The following GPR89B variants were observed in gnomAD, a reference collection of about 807,000 sequenced individuals.
GPR89B encodes golgi pH regulator B.
GPR89B carries 25 observed loss-of-function variants against 52.4 expected under a neutral mutation model. That is an observed-to-expected ratio of 0.48 (90% confidence interval 0.35 to 0.67). GPR89B has a LOEUF of 0.67. Among genes scored for constraint, GPR89B ranks in the 30% least tolerant of loss-of-function variants. GPR89B has a pLI of 0.01. For missense variants in GPR89B, 146 were observed against 450.2 expected (o/e 0.32, Z 6.11); for synonymous variants, 52 against 151.2 (o/e 0.34, Z 4.81).
chr1:147,950,737 C>G (rs1212809588), intron 5 of GPR89B, among the ~76,000 whole-genome samples: 3 of 149,860 alleles, frequency 2.0e-5, no homozygotes, highest in African/African-American at 7.5e-5. Flanking sequence ...TGGAGACCAG[C>G]CCGGCCAACA....
the GPR89B span, among the ~76,000 whole-genome samples, chr1:148,007,179 C>CA: frequency 2.2e-4 from 31 of 138,980 alleles, no homozygotes; most frequent in African/African-American, 8.6e-4. Context: ...GGGTTCACAC[C>CA]ATTCTCCTGC....
intron 10 of GPR89B, among the ~76,000 whole-genome samples, chr1:147,978,055 T>C (rs1383616623): frequency 6.6e-6 from 1 of 150,732 alleles, no homozygotes; most frequent in Non-Finnish European, 1.5e-5. Flanking sequence ...GTTGTGATCA[T>C]TTGGAGAAGA....
chr1:147,950,946 T>TGGGGAGAGGGAGATG (rs1226657553), intron 5 of GPR89B, among the ~76,000 whole-genome samples: 12 of 150,574 alleles, frequency 8.0e-5, no homozygotes, highest in Non-Finnish European at 1.5e-4. Context: ...AGGGAGACCG[T>TGGGGAGAGGGAGATG]GGGGAGAGGG....
chr1:147,958,311 AAGGCTATTCTCTTTCTC>A (rs1258462789), intron 7 of GPR89B, among the ~76,000 whole-genome samples: 1 of 151,960 alleles, frequency 6.6e-6, no homozygotes, highest in Non-Finnish European at 1.5e-5. Context: ...TTTGATTCCC[AAGGCTATTCTCTTTCTC>A]ACTGTATTTC....
intron 8 of GPR89B, 71 bp from the exon 9 acceptor site, chr1:147,968,804 G>A (rs1657217888): frequency 2.5e-6 from 4 of 1,612,098 alleles, no homozygotes; most frequent in South Asian, 1.1e-5. Context: ...AAAACTAAAA[G>A]TATATGCTTT....
intron 4 of GPR89B, 92 bp downstream of exon 4, chr1:147,943,636 T>A (rs587658606): frequency 2.3e-6 from 2 of 878,432 alleles, no homozygotes; most frequent in East Asian, 5.3e-5. Context: ...ACATTAACTT[T>A]CAGTATCTAC....
chr1:147,954,241 T>C (rs1655930304), intron 6 of GPR89B, 81 bp from the exon 7 acceptor site: 2 of 107,414 alleles, frequency 1.9e-5, no homozygotes, highest in East Asian at 3.9e-4. Flanking sequence ...AGTTGAAGTC[T>C]ATGTTTGTCT....
downstream of GPR89B, chr1:147,994,269 A>C: frequency 6.3e-7 from 1 of 1,598,820 alleles, no homozygotes. Flanking sequence ...AACAGCTATC[A>C]AATAAACAGC....
chr1:147,981,996 T>C (rs1558066203), intron 10 of GPR89B, among the ~76,000 whole-genome samples: 1 of 151,920 alleles, frequency 6.6e-6, no homozygotes, highest in East Asian at 1.9e-4. Flanking sequence ...ATTTCTCTTA[T>C]GTGTATATCT....
the GPR89B span, chr1:148,014,371 C>T: frequency 1.3e-5 from 2 of 151,590 alleles, no homozygotes; most frequent in African/African-American, 4.9e-5. Flanking sequence ...CGGGAAGGGT[C>T]CCTGGCGGCG....
At chr1:148,000,565 G>A in the GPR89B span, among the ~76,000 whole-genome samples, 1 of 150,228 alleles carries the variant, frequency 6.7e-6, no homozygotes, top group Non-Finnish European at 1.5e-5. Context: ...TCTAAGCTTC[G>A]GTTTCCTAAT....
At chr1:147,944,944 T>C (rs1654841555) in intron 5 of GPR89B, among the ~76,000 whole-genome samples, 4 of 152,108 alleles carry the variant, frequency 2.6e-5, no homozygotes, top group Admixed American at 1.3e-4. Flanking sequence ...TACCTATTAT[T>C]AGGCTTCTTA....
chr1:148,024,847 G>A, the GPR89B span: 1 of 152,078 alleles, frequency 6.6e-6, no homozygotes, highest in African/African-American at 2.4e-5. Flanking sequence ...TTGGGGCCCT[G>A]AGCTGATCTC....
At chr1:147,943,601 T>C (rs1444138611) in intron 4 of GPR89B, 57 bp downstream of exon 4, 12 of 1,582,168 alleles carry the variant, frequency 7.6e-6, no homozygotes, top group African/African-American at 1.4e-5. Context: ...TTGAGGGGAC[T>C]TAAATTGTGG....
downstream of GPR89B, chr1:147,994,291 C>G: frequency 6.5e-7 from 1 of 1,538,284 alleles, no homozygotes; most frequent in Non-Finnish European, 8.9e-7. Flanking sequence ...AAAGCTATTA[C>G]TTGTTTTCAT....
At chr1:148,020,982 C>G in the GPR89B span, among the ~76,000 whole-genome samples, 1 of 151,702 alleles carries the variant, frequency 6.6e-6, no homozygotes, top group East Asian at 1.9e-4. Flanking sequence ...GCCCGGGCCC[C>G]GGAGAGGAAT....
chr1:147,985,832 G>T (rs1383134472), intron 10 of GPR89B, among the ~76,000 whole-genome samples: 7 of 151,936 alleles, frequency 4.6e-5, no homozygotes, highest in Admixed American at 2.6e-4. Flanking sequence ...TTTAGTATTT[G>T]CTGTTAGAGC....
chr1:147,936,301 C>T (rs1342763020), intron 1 of GPR89B, among the ~76,000 whole-genome samples: 8 of 152,176 alleles, frequency 5.3e-5, no homozygotes, highest in African/African-American at 7.2e-5. Context: ...TGTGAGGCAC[C>T]GTGCCTGGCC....
chr1:147,958,034 A>T (rs1656252571), intron 7 of GPR89B, among the ~76,000 whole-genome samples: 2 of 151,562 alleles, frequency 1.3e-5, no homozygotes, highest in African/African-American at 4.9e-5. Flanking sequence ...ACTGCACTCC[A>T]GCCTGGGTGA....
Sources: allele counts gnomAD v4.1 joint callset (sites outside exome capture counted in the v4.1 genomes callset), GRCh38; gene constraint gnomAD v4.1.1; transcripts MANE v1.5; gene names NCBI Gene and HGNC (gene_info 2026-07-23, HGNC 2026-07-21).